Variants in IKZF1 observed in about 807,000 individuals in gnomAD.
The protein encoded by IKZF1 is IKAROS family zinc finger 1.
Under a neutral mutation model 51.7 loss-of-function variants are expected in IKZF1, and 10 were observed. The observed-to-expected ratio is 0.19, with a 90% CI of 0.12 to 0.33. The LOEUF is 0.33. Among genes scored for constraint, IKZF1 ranks in the 10% least tolerant of loss-of-function variants. The pLI is 1.00. For synonymous variants in IKZF1, 280 were observed against 282.3 expected, an observed-to-expected ratio of 0.99 and a Z score of 0.08; for missense variants, 484 against 707.5, an observed-to-expected ratio of 0.68 and a Z score of 3.58.
chr7:50,369,189 A>G (rs973892235), intron 3 of IKZF1: 25 of 270,206 alleles, frequency 9.3e-5, no homozygotes, highest in Non-Finnish European at 2.8e-5. Context: ...CATATAAAAC[A>G]TTATGGTATT....
intron 2 of IKZF1, 39 bp downstream of exon 2, chr7:50,319,140 GA>G (rs1562723633): frequency 6.3e-7 from 1 of 1,596,110 alleles, no homozygotes; most frequent in Admixed American, 1.7e-5. Flanking sequence ...AAGTTCATGA[GA>G]AAAGCTTCCC....
intron 3 of IKZF1, among the ~76,000 whole-genome samples, chr7:50,364,571 G>C (rs1215844288): frequency 6.6e-6 from 1 of 152,238 alleles, no homozygotes; most frequent in Non-Finnish European, 1.5e-5. Flanking sequence ...CACAGTGACT[G>C]CTTCTTATGA....
chr7:50,351,798 T>C (rs1001809334), intron 3 of IKZF1, among the ~76,000 whole-genome samples: 1 of 152,324 alleles, frequency 6.6e-6, no homozygotes, highest in East Asian at 1.9e-4. Flanking sequence ...GCCTACCTCA[T>C]TTTATTTCTT....
At chr7:50,388,150 G>A (rs1452645501) in intron 6 of IKZF1, among the ~76,000 whole-genome samples, 1 of 152,132 alleles carries the variant, frequency 6.6e-6, no homozygotes, top group Non-Finnish European at 1.5e-5. Context: ...GGATTTATCT[G>A]GGGGAATGGC....
intron 3 of IKZF1, among the ~76,000 whole-genome samples, chr7:50,358,267 G>C (rs1488509694): frequency 6.6e-6 from 1 of 152,230 alleles, no homozygotes; most frequent in African/African-American, 2.4e-5. Flanking sequence ...GACTTTTTGA[G>C]ACACTCTCAT....
chr7:50,360,644 G>A (rs554323861), intron 3 of IKZF1, among the ~76,000 whole-genome samples: 7 of 152,370 alleles, frequency 4.6e-5, no homozygotes, highest in African/African-American at 1.7e-4. Context: ...AAACACGTGT[G>A]CAGTTACATC....
intron 3 of IKZF1, among the ~76,000 whole-genome samples, chr7:50,373,500 C>G (rs1409464983): frequency 6.6e-6 from 1 of 152,186 alleles, no homozygotes; most frequent in Admixed American, 6.5e-5. Flanking sequence ...ATCCCAATGC[C>G]TGTTCTGCGT....
At chr7:50,314,326 G>A (rs1400717471) in intron 1 of IKZF1, among the ~76,000 whole-genome samples, 1 of 152,156 alleles carries the variant, frequency 6.6e-6, no homozygotes, top group Non-Finnish European at 1.5e-5. Flanking sequence ...TAGCCAGGAT[G>A]GTCTTGATCT....
At chr7:50,384,402 A>C (rs73695623) in intron 5 of IKZF1, among the ~76,000 whole-genome samples, 2,858 of 152,250 alleles carry the variant, frequency 0.019, 88 homozygotes, top group African/African-American at 0.065. Flanking sequence ...AATTGTCATG[A>C]TTTGGGTGAT....
At chr7:50,367,826 C>G in intron 3 of IKZF1, 1 of 583,344 alleles carries the variant, frequency 1.7e-6, no homozygotes, top group Non-Finnish European at 3.0e-6. Flanking sequence ...TGGTCCTGTT[C>G]ATGAGTAATT....
rs1360798939 is a variant in IKZF1, at chr7:50,336,275, GGGGAGGGTGCAGA to G, written c.160+8526_160+8538del. Among the ~76,000 whole-genome samples the G allele has an allele frequency of 5.4e-3, 824 of 152,218 alleles. 8 individuals are homozygous for G. Among genetic ancestry groups the G allele is most frequent in the African/African-American group, 0.018 (762 of 41,526 alleles). ...CGGCGGGGGCAGGGGGAGGGTGCAG[GGGGAGGGTGCAGA>G]GGGAGGGGATGAGTCATTTTGCCAC... On this transcript the variant is annotated intron_variant, in intron 3 of 7. Coordinates refer to ENST00000331340, the MANE Select transcript of IKZF1 (RefSeq NM_006060.6).
chr7:50,375,524 T>C (rs1214207115), intron 3 of IKZF1, among the ~76,000 whole-genome samples: 1 of 152,246 alleles, frequency 6.6e-6, no homozygotes, highest in Non-Finnish European at 1.5e-5. Context: ...ATTATAGTGT[T>C]GGATTCACCA....
intron 1 of IKZF1, among the ~76,000 whole-genome samples, chr7:50,316,894 G>A (rs1434296560): frequency 6.6e-6 from 1 of 152,240 alleles, no homozygotes; most frequent in African/African-American, 2.4e-5. Context: ...GTATGCAACA[G>A]TAGGGCATTT....
At chr7:50,326,790 AG>A (rs1208406154) in intron 2 of IKZF1, among the ~76,000 whole-genome samples, 2 of 152,178 alleles carry the variant, frequency 1.3e-5, no homozygotes, top group Admixed American at 6.5e-5. Flanking sequence ...GCATGCGGAG[AG>A]GGGATCATTT....
chr7:50,359,480 C>T (rs191071806), intron 3 of IKZF1, among the ~76,000 whole-genome samples: 33 of 152,324 alleles, frequency 2.2e-4, no homozygotes, highest in Non-Finnish European at 3.4e-4. Flanking sequence ...TCTGACATTC[C>T]GAACAGTGGA....
chr7:50,318,985 T>C, intron 1 of IKZF1, 63 bp from the exon 2 acceptor site: 4 of 1,038,520 alleles, frequency 3.9e-6, no homozygotes, highest in Non-Finnish European at 6.0e-6. Flanking sequence ...TTTATCTCTC[T>C]CTCTTTCTCA....
chr7:50,310,127 C>A (rs1004401068), intron 1 of IKZF1, among the ~76,000 whole-genome samples: 4 of 152,144 alleles, frequency 2.6e-5, no homozygotes, highest in African/African-American at 9.7e-5. Flanking sequence ...GGTTGTTAAA[C>A]ATAAGGCAAT....
At position 50,403,121 on chromosome 7, in the gene IKZF1, T is replaced by A. The variant is rs1465031910; in HGVS notation, c.*2494T>A. 2 of 222,100 alleles carry A rather than the reference T, an allele frequency of 9.0e-6. No individual in the cohort carries two copies. Among genetic ancestry groups the A allele is most frequent in the Non-Finnish European group, 1.8e-5 (2 of 111,222 alleles). The allele number at this position is 222,100 out of a possible 1,614,324, so 13.8% of individuals were successfully genotyped here. A position where few individuals can be genotyped will look rare whatever the true frequency, so the allele number is the denominator to read the frequency against. On this transcript the variant is annotated 3_prime_UTR_variant, in exon 8 of 8. Transcript: ENST00000331340. ...TTTGCCCTTTCCTCTCACTGCCTTT[T>A]ATAGCCAATATAAATGTCTCTTTGC...
At chr7:50,363,212 G>C (rs79845978) in intron 3 of IKZF1, among the ~76,000 whole-genome samples, 4,454 of 152,236 alleles carry the variant, frequency 0.029, 226 homozygotes, top group African/African-American at 0.1. Flanking sequence ...GCAGAATGAC[G>C]AGGATCAAGC....
Sources: allele counts gnomAD v4.1 joint callset (sites outside exome capture counted in the v4.1 genomes callset), GRCh38; gene constraint gnomAD v4.1.1; transcripts MANE v1.5; gene names NCBI Gene and HGNC (gene_info 2026-07-23, HGNC 2026-07-21).